Variants in UBAC2 observed in about 807,000 individuals in gnomAD.
UBAC2 encodes the protein UBA domain containing 2.
UBAC2 carries 26 observed loss-of-function variants against 44.0 expected under a neutral mutation model. That is an observed-to-expected ratio of 0.59 (90% CI 0.43 to 0.82). The LOEUF (loss-of-function observed/expected upper bound fraction) is 0.82. Ranked by LOEUF, UBAC2 falls within the 40% of genes least tolerant of loss-of-function variation. The probability of loss-of-function intolerance (pLI) is 0.00; values close to 1 mark genes in which losing one functional copy is unlikely to be tolerated. For synonymous variants in UBAC2, 155 were observed against 154.3 expected, an observed-to-expected ratio of 1.00 and a Z score of -0.04; for missense variants, 329 against 419.4, an observed-to-expected ratio of 0.78 and a Z score of 1.88.
chr13:99,322,087 A>G (rs1047525543), intron 6 of UBAC2, among the ~76,000 whole-genome samples: 1 of 152,232 alleles, frequency 6.6e-6, no homozygotes, highest in Non-Finnish European at 1.5e-5. Flanking sequence ...TTGTAATTGG[A>G]AAGCTTGGCT....
At chr13:99,355,145 T>C (rs966602064) in intron 7 of UBAC2, among the ~76,000 whole-genome samples, 2 of 150,900 alleles carry the variant, frequency 1.3e-5, no homozygotes, top group Non-Finnish European at 3.0e-5. Flanking sequence ...GAGTTTCACC[T>C]CTGTTTCTGT....
intron 8 of UBAC2, among the ~76,000 whole-genome samples, chr13:99,368,302 C>T (rs1336127248): frequency 2.0e-5 from 3 of 152,048 alleles, no homozygotes; most frequent in Non-Finnish European, 4.4e-5. Flanking sequence ...ACATATTCAA[C>T]AAGCAAACCA....
chr13:99,352,775 C>G (rs2045114271), intron 7 of UBAC2, among the ~76,000 whole-genome samples: 1 of 150,368 alleles, frequency 6.7e-6, no homozygotes, highest in Non-Finnish European at 1.5e-5. Flanking sequence ...GCGTCAGTTA[C>G]AGTGAAATGT....
At chr13:99,291,818 G>A (rs986344677) in intron 4 of UBAC2, among the ~76,000 whole-genome samples, 21 of 152,176 alleles carry the variant, frequency 1.4e-4, no homozygotes, top group Admixed American at 9.2e-4. Flanking sequence ...AGATATTTCA[G>A]TAGGGCTTTA....
At chr13:99,253,765 C>G (rs1374542057) in intron 4 of UBAC2, among the ~76,000 whole-genome samples, 1 of 152,196 alleles carries the variant, frequency 6.6e-6, no homozygotes, top group Non-Finnish European at 1.5e-5. Context: ...CCGTCCACCT[C>G]AGCCTCCCAA....
chr13:99,201,986 T>C (rs892727647), intron 1 of UBAC2, among the ~76,000 whole-genome samples: 1 of 142,946 alleles, frequency 7.0e-6, no homozygotes, highest in Non-Finnish European at 1.5e-5. Flanking sequence ...GGCAGGAGAA[T>C]GGCGTGAACC....
intron 7 of UBAC2, among the ~76,000 whole-genome samples, chr13:99,365,030 A>G (rs925312842): frequency 2.0e-5 from 3 of 152,222 alleles, no homozygotes; most frequent in African/African-American, 7.2e-5. Flanking sequence ...TTAAAAGATA[A>G]TTACCAATGT....
At chr13:99,266,402 A>G (rs972755543) in intron 4 of UBAC2, among the ~76,000 whole-genome samples, 16 of 152,214 alleles carry the variant, frequency 1.1e-4, no homozygotes, top group African/African-American at 3.1e-4. Flanking sequence ...ATATTTTAAG[A>G]AAGTGTACTA....
chr13:99,311,444 C>T lies in UBAC2; in HGVS notation c.390-2653C>T, dbSNP rs1251179723. On this transcript the variant is annotated intron_variant, in intron 4 of 8. Coordinates refer to ENST00000403766, the MANE Select transcript of UBAC2 (RefSeq NM_001144072.2). The stretch of plus-strand genomic sequence containing the variant: ...GTGGGGAGGCATTGGAAGATTTATG[C>T]CCAGGAGTGACTAACTCATACTTTT... 4.6e-5 allele frequency among the ~76,000 whole-genome samples: 7 copies of T among 152,102 alleles called. No homozygotes were observed. The South Asian group carries it at 1.2e-3, about 27-fold the overall frequency.
At chr13:99,250,818 C>T (rs1334246390) in intron 4 of UBAC2, among the ~76,000 whole-genome samples, 1 of 152,008 alleles carries the variant, frequency 6.6e-6, no homozygotes, top group Non-Finnish European at 1.5e-5. Context: ...GTGATCTTGG[C>T]TCACTGCAGC....
intron 1 of UBAC2, among the ~76,000 whole-genome samples, chr13:99,237,840 A>G (rs2142725579): frequency 6.6e-6 from 1 of 152,254 alleles, no homozygotes; most frequent in African/African-American, 2.4e-5. Flanking sequence ...CTGTAATCCC[A>G]GCTACTCAGG....
intron 2 of UBAC2, among the ~76,000 whole-genome samples, chr13:99,239,875 G>T (rs148210951): frequency 6.6e-6 from 1 of 152,152 alleles, no homozygotes; most frequent in Non-Finnish European, 1.5e-5. Context: ...GACATCCTTG[G>T]GGGGTGATCA....
At chr13:99,365,873 G>T (rs1209854314) in intron 7 of UBAC2, among the ~76,000 whole-genome samples, 1 of 152,012 alleles carries the variant, frequency 6.6e-6, no homozygotes, top group Admixed American at 6.6e-5. Flanking sequence ...CACTTCTCTT[G>T]TAATTCTATT....
rs2138943597 is a variant in UBAC2 at position 99,386,052 on chromosome 13, T to C, written c.*717T>C. ...GCAGGCTTCCTGGAGCCACATGGGC[T>C]GACTAGGGCACTCTGTGGCTGGCCT... On this transcript the variant is annotated 3_prime_UTR_variant, in exon 9 of 9. Coordinates refer to ENST00000403766, the MANE Select transcript of UBAC2 (RefSeq NM_001144072.2). 1.3e-5 allele frequency: 2 copies of C among 152,434 alleles called. No homozygotes were observed. Among genetic ancestry groups the C allele is most frequent in the African/African-American group, 4.8e-5 (2 of 41,582 alleles). 9.4% of individuals were successfully genotyped at this position (152,434 alleles called of 1,614,324 possible).
chr13:99,367,356 A>G (rs962186212), intron 7 of UBAC2, among the ~76,000 whole-genome samples: 11 of 152,188 alleles, frequency 7.2e-5, no homozygotes, highest in African/African-American at 1.2e-4. Flanking sequence ...CCGTGATGGA[A>G]ACACCAGATT....
At chr13:99,239,950 T>C (rs906449657) in intron 2 of UBAC2, among the ~76,000 whole-genome samples, 4 of 152,138 alleles carry the variant, frequency 2.6e-5, no homozygotes, top group African/African-American at 9.7e-5. Context: ...GCCTTCAGTT[T>C]GGTCCAAAAA....
intron 1 of UBAC2, among the ~76,000 whole-genome samples, chr13:99,204,556 A>C (rs1286439521): frequency 6.6e-6 from 1 of 152,216 alleles, no homozygotes; most frequent in Non-Finnish European, 1.5e-5. Context: ...AGTAGGTGCC[A>C]GGGAAGAAAA....
intron 7 of UBAC2, among the ~76,000 whole-genome samples, chr13:99,346,082 C>T (rs1566513696): frequency 6.6e-6 from 1 of 152,202 alleles, no homozygotes; most frequent in Non-Finnish European, 1.5e-5. Flanking sequence ...CCCTTTCTCA[C>T]TCCCTACCTG....
chr13:99,330,228 A>G (rs960610081), intron 6 of UBAC2, among the ~76,000 whole-genome samples: 2 of 152,010 alleles, frequency 1.3e-5, no homozygotes, highest in African/African-American at 2.4e-5. Context: ...TGGGAGGCCA[A>G]GGTGGGCTGA....
Sources: gnomAD v4.1 joint callset for allele counts (sites outside exome capture counted in the v4.1 genomes callset) on GRCh38, gnomAD v4.1.1 for gene constraint, MANE v1.5 for transcripts, NCBI Gene and HGNC (gene_info 2026-07-23, HGNC 2026-07-21) for gene names.